The following ACOXL variants were observed in gnomAD, a reference collection of about 807,000 sequenced individuals.
The protein encoded by ACOXL is acyl-CoA oxidase like.
ACOXL carries 70 observed loss-of-function variants against 71.9 expected under a neutral mutation model. The observed-to-expected ratio is 0.97, with a 90% CI of 0.80 to 1.19. ACOXL has a LOEUF of 1.19. Ranked by LOEUF, ACOXL falls within the 50% of genes most tolerant of loss-of-function variation. ACOXL has a pLI of 0.00. For missense variants in ACOXL, 703 were observed against 736.3 expected, an observed-to-expected ratio of 0.95 and a Z score of 0.52; for synonymous variants, 253 against 281.6, an observed-to-expected ratio of 0.90 and a Z score of 1.02.
In ACOXL at chr2:110,987,229, T is replaced by G; in HGVS notation, c.1169+12T>G. 1 of 1,559,804 alleles carries G rather than the reference T, an allele frequency of 6.4e-7. No homozygotes were observed. Among genetic ancestry groups the G allele is most frequent in the South Asian group, 1.2e-5 (1 of 84,926 alleles). ...AAGCTGAGAACCAGGTACGTATTAC[T>G]CAGGCCATCATCATCTGCCTTCAGT... is the stretch of plus-strand genomic sequence containing the variant. On this transcript the variant is annotated intron_variant, in intron 13 of 17. Transcript: ENST00000439055.
intron 11 of ACOXL, among the ~76,000 whole-genome samples, chr2:110,913,036 A>T (rs765554364): frequency 2.0e-5 from 3 of 152,238 alleles, no homozygotes; most frequent in Non-Finnish European, 4.4e-5. Flanking sequence ...TCAAGGAAGT[A>T]CAAATCAAAA....
intron 8 of ACOXL, among the ~76,000 whole-genome samples, chr2:110,803,061 C>T (rs1686192161): frequency 6.6e-6 from 1 of 151,962 alleles, no homozygotes; most frequent in South Asian, 2.1e-4. Context: ...TTAAAATGGA[C>T]CAAATTCTGC....
intron 11 of ACOXL, among the ~76,000 whole-genome samples, chr2:110,917,861 C>A (rs968594246): frequency 6.6e-6 from 1 of 152,126 alleles, no homozygotes; most frequent in Admixed American, 6.5e-5. Context: ...TGTGAAGGAC[C>A]TCTTCAAGGA....
At chr2:110,802,083 G>C (rs1285880034) in intron 8 of ACOXL, among the ~76,000 whole-genome samples, 1 of 152,148 alleles carries the variant, frequency 6.6e-6, no homozygotes, top group East Asian at 1.9e-4. Flanking sequence ...TCATTATATA[G>C]CAAATGTTTT....
chr2:110,949,671 C>T (rs538300256), intron 12 of ACOXL, among the ~76,000 whole-genome samples: 1 of 152,158 alleles, frequency 6.6e-6, no homozygotes, highest in Admixed American at 6.5e-5. Flanking sequence ...TTTTTGACTC[C>T]CTGACATTCT....
intron 12 of ACOXL, among the ~76,000 whole-genome samples, chr2:110,956,289 G>A (rs1295067215): frequency 6.6e-6 from 1 of 152,156 alleles, no homozygotes; most frequent in Non-Finnish European, 1.5e-5. Flanking sequence ...CATGGCTGTA[G>A]TTCACTATGG....
intron 10 of ACOXL, among the ~76,000 whole-genome samples, chr2:110,892,996 C>T (rs1698094001): frequency 6.6e-6 from 1 of 152,334 alleles, no homozygotes; most frequent in South Asian, 2.1e-4. Flanking sequence ...CTACATCTCT[C>T]ACCTCTGCTC....
At chr2:110,916,581 A>T (rs759547014) in intron 11 of ACOXL, among the ~76,000 whole-genome samples, 4 of 152,212 alleles carry the variant, frequency 2.6e-5, no homozygotes, top group Non-Finnish European at 5.9e-5. Context: ...TGAAGGAGAT[A>T]CAGACACGAA....
At chr2:111,093,696 CTACTAAAA>C in intron 17 of ACOXL, 1 of 620,700 alleles carries the variant, frequency 1.6e-6, no homozygotes, top group Admixed American at 3.4e-5. Context: ...GAAACCCTGT[CTACTAAAA>C]TACAAAAAAA....
At chr2:111,085,653 A>G (rs1455781140) in intron 16 of ACOXL, among the ~76,000 whole-genome samples, 2 of 152,252 alleles carry the variant, frequency 1.3e-5, no homozygotes, top group African/African-American at 2.4e-5. Flanking sequence ...ATTACCCAAC[A>G]TTACAACTAG....
In ACOXL at chr2:110,939,282, A is replaced by G. The variant is rs1199960601; in HGVS notation, c.1059+5640A>G. 2.0e-5 allele frequency among the ~76,000 whole-genome samples: 3 copies of G among 152,348 alleles called. No individual in the cohort carries two copies. The East Asian group carries it at 5.8e-4, about 29-fold the overall frequency. On this transcript the variant is annotated intron_variant, in intron 12 of 17. Coordinates refer to ENST00000439055, the MANE Select transcript of ACOXL (RefSeq NM_001142807.4). ...TTTATCAATTACAAAAGTAATATAT[A>G]TCCATTGTAGAAAGTTTTGAGAATA... is the stretch of plus-strand genomic sequence containing the variant.
chr2:110,818,170 G>A (rs919070212), intron 9 of ACOXL, among the ~76,000 whole-genome samples: 5 of 151,726 alleles, frequency 3.3e-5, no homozygotes, highest in African/African-American at 1.2e-4. Context: ...CAAGTCGGGG[G>A]GATCACCTGA....
chr2:110,802,684 G>A (rs1436625216), intron 8 of ACOXL, among the ~76,000 whole-genome samples: 1 of 152,146 alleles, frequency 6.6e-6, no homozygotes, highest in Non-Finnish European at 1.5e-5. Flanking sequence ...AAAAAATGGA[G>A]GGATAAGGAA....
At chr2:110,737,937 G>T (rs1677068091) in intron 1 of ACOXL, among the ~76,000 whole-genome samples, 1 of 152,232 alleles carries the variant, frequency 6.6e-6, no homozygotes. Context: ...GAGAGGTGTG[G>T]TTTGTGTCGC....
At chr2:110,856,969 C>T (rs1032984655) in intron 10 of ACOXL, among the ~76,000 whole-genome samples, 1 of 152,210 alleles carries the variant, frequency 6.6e-6, no homozygotes, top group East Asian at 1.9e-4. Flanking sequence ...CTTATTCATT[C>T]TTCATTCATC....
chr2:111,040,733 A>T (rs1258034459), intron 15 of ACOXL, among the ~76,000 whole-genome samples: 2 of 152,160 alleles, frequency 1.3e-5, no homozygotes, highest in Admixed American at 6.5e-5. Context: ...AGCTATCTGG[A>T]AGGTGGAAAG....
chr2:110,970,724 A>G (rs1392070265), intron 12 of ACOXL, among the ~76,000 whole-genome samples: 3 of 152,216 alleles, frequency 2.0e-5, no homozygotes, highest in Admixed American at 2.0e-4. Flanking sequence ...AGTGGAGGAA[A>G]GATGGCCTTT....
chr2:110,810,593 A>G (rs999891193), intron 9 of ACOXL, among the ~76,000 whole-genome samples: 2 of 151,398 alleles, frequency 1.3e-5, no homozygotes, highest in Admixed American at 6.6e-5. Context: ...TTCATCATCC[A>G]TGCATCATTC....
chr2:110,909,677 T>C (rs531283853), intron 11 of ACOXL, among the ~76,000 whole-genome samples: 52 of 151,406 alleles, frequency 3.4e-4, no homozygotes, highest in African/African-American at 1.2e-3. Context: ...AACATGCTGA[T>C]GGGGAAGCTA....
Sources: allele counts gnomAD v4.1 joint callset (sites outside exome capture counted in the v4.1 genomes callset), GRCh38; gene constraint gnomAD v4.1.1; transcripts MANE v1.5; gene names NCBI Gene and HGNC (gene_info 2026-07-23, HGNC 2026-07-21).